The following RBFOX1 variants were observed in gnomAD, a reference collection of about 807,000 sequenced individuals.
RBFOX1 encodes RNA binding fox-1 homolog 1.
In RBFOX1, 8 loss-of-function variants were observed where a neutral mutation model predicts 57.7. That is an observed-to-expected ratio of 0.14 (90% CI 0.08 to 0.25). The LOEUF (loss-of-function observed/expected upper bound fraction) is 0.25. Ranked by LOEUF, RBFOX1 falls within the 10% of genes least tolerant of loss-of-function variation. RBFOX1 has a pLI of 1.00. For synonymous variants in RBFOX1, 326 were observed against 222.4 expected (o/e 1.47, Z -4.15); for missense variants, 611 against 548.5 (o/e 1.11, Z -1.14).
At chr16:7,329,474 A>G (rs1393720643) in intron 4 of RBFOX1, among the ~76,000 whole-genome samples, 1 of 152,246 alleles carries the variant, frequency 6.6e-6, no homozygotes, top group Non-Finnish European at 1.5e-5. Context: ...CCAAGAAGGA[A>G]GAATCACAGC....
At chr16:6,708,295 C>G (rs1029872869) in intron 3 of RBFOX1, among the ~76,000 whole-genome samples, 1 of 143,010 alleles carries the variant, frequency 7.0e-6, no homozygotes, top group Non-Finnish European at 1.6e-5. Flanking sequence ...TGAACACACA[C>G]ACACACACAC....
At chr16:5,602,736 TATA>T (rs2047406979), downstream of RBFOX1, among the ~76,000 whole-genome samples, 1 of 152,138 alleles carries the variant, frequency 6.6e-6, no homozygotes, top group South Asian at 2.1e-4. Flanking sequence ...GTAGTAATAA[TATA>T]ATATTAGTAA....
intron 3 of RBFOX1, among the ~76,000 whole-genome samples, chr16:5,748,125 G>C (rs1292002322): frequency 2.6e-5 from 4 of 152,012 alleles, no homozygotes; most frequent in African/African-American, 4.8e-5. Flanking sequence ...CCTTCATTTC[G>C]TTATGTACCC....
At chr16:6,530,692 A>G (rs181190134) in intron 2 of RBFOX1, among the ~76,000 whole-genome samples, 3 of 152,238 alleles carry the variant, frequency 2.0e-5, no homozygotes, top group East Asian at 1.9e-4. Context: ...TGTCTTACAT[A>G]GATGGTGGCA....
chr16:6,490,151 G>A (rs2095599385), intron 2 of RBFOX1, among the ~76,000 whole-genome samples: 1 of 152,088 alleles, frequency 6.6e-6, no homozygotes, highest in Non-Finnish European at 1.5e-5. Context: ...TCTCAGTTGG[G>A]TTTTTAGTGA....
intron 2 of RBFOX1, among the ~76,000 whole-genome samples, chr16:5,473,335 G>C (rs2069202457): frequency 6.6e-6 from 1 of 151,958 alleles, no homozygotes; most frequent in African/African-American, 2.4e-5. Context: ...CATTACTCCT[G>C]TTACACTGTG....
At chr16:7,586,255 T>C (rs943633384) in intron 6 of RBFOX1, among the ~76,000 whole-genome samples, 1 of 152,182 alleles carries the variant, frequency 6.6e-6, no homozygotes, top group Non-Finnish European at 1.5e-5. Context: ...GTTAGGCTAC[T>C]GTACTCAAGA....
chr16:6,877,310 G>C (rs1407973313), intron 3 of RBFOX1, among the ~76,000 whole-genome samples: 1 of 152,192 alleles, frequency 6.6e-6, no homozygotes, highest in African/African-American at 2.4e-5. Flanking sequence ...CTAGTTTTAT[G>C]TGTGCATCTG....
intron 2 of RBFOX1, among the ~76,000 whole-genome samples, chr16:6,518,588 G>C (rs561221864): frequency 6.6e-6 from 1 of 152,296 alleles, no homozygotes; most frequent in South Asian, 2.1e-4. Flanking sequence ...CTGGGAAGGT[G>C]AAATTCAGAC....
At chr16:6,884,153 C>T (rs1337606412) in intron 3 of RBFOX1, among the ~76,000 whole-genome samples, 1 of 152,200 alleles carries the variant, frequency 6.6e-6, no homozygotes. Context: ...CTACTGCAGA[C>T]AGAAGCTGCT....
intron 4 of RBFOX1, among the ~76,000 whole-genome samples, chr16:7,181,208 T>C (rs889674304): frequency 2.0e-5 from 3 of 152,030 alleles, no homozygotes; most frequent in Admixed American, 2.0e-4. Flanking sequence ...TCACAATCTC[T>C]CTAGATGTTA....
At chr16:6,107,302 C>A (rs182670718) in intron 1 of RBFOX1, among the ~76,000 whole-genome samples, 1 of 152,144 alleles carries the variant, frequency 6.6e-6, no homozygotes, top group East Asian at 1.9e-4. Context: ...TTTCACTACC[C>A]ATGAAATGAC....
chr16:5,961,512 A>G (rs554550547), intron 4 of RBFOX1, among the ~76,000 whole-genome samples: 2 of 151,914 alleles, frequency 1.3e-5, no homozygotes, highest in African/African-American at 2.4e-5. Context: ...CAATAGTTTA[A>G]TTTTTTAATT....
intron 4 of RBFOX1, among the ~76,000 whole-genome samples, chr16:7,400,780 C>T (rs978966121): frequency 6.6e-6 from 1 of 152,146 alleles, no homozygotes; most frequent in South Asian, 2.1e-4. Context: ...ATTTCAGTTC[C>T]CAGCAGCATG....
intron 4 of RBFOX1, among the ~76,000 whole-genome samples, chr16:7,258,995 A>G (rs1392837911): frequency 6.6e-6 from 1 of 152,148 alleles, no homozygotes; most frequent in Middle Eastern, 3.2e-3. Context: ...AAGCCCTTGT[A>G]TTCCCTCACC....
chr16:6,806,108 C>T (rs374238322), intron 3 of RBFOX1, among the ~76,000 whole-genome samples: 1 of 152,062 alleles, frequency 6.6e-6, no homozygotes, highest in East Asian at 1.9e-4. Context: ...ATCCAAGAAC[C>T]AGTTTGAATA....
chr16:6,403,183 C>T (rs901339846), intron 2 of RBFOX1, among the ~76,000 whole-genome samples: 7 of 152,118 alleles, frequency 4.6e-5, no homozygotes, highest in Admixed American at 6.5e-5. Context: ...GAACTACAGA[C>T]TTGCAGGCCT....
intron 2 of RBFOX1, among the ~76,000 whole-genome samples, chr16:6,433,631 A>G (rs998600509): frequency 1.3e-5 from 2 of 152,160 alleles, no homozygotes; most frequent in Non-Finnish European, 2.9e-5. Context: ...GATGTCTGGA[A>G]AGAGTTTTAG....
intron 2 of RBFOX1, among the ~76,000 whole-genome samples, chr16:6,448,092 C>T (rs993783619): frequency 5.5e-5 from 8 of 145,646 alleles, no homozygotes; most frequent in African/African-American, 1.0e-4. Flanking sequence ...CATGTTTGTT[C>T]GTTTGGTTTT....
Sources: allele counts gnomAD v4.1 joint callset (sites outside exome capture counted in the v4.1 genomes callset), GRCh38; gene constraint gnomAD v4.1.1; transcripts MANE v1.5; gene names NCBI Gene and HGNC (gene_info 2026-07-23, HGNC 2026-07-21).